Variants in SGSM1 observed in about 807,000 individuals in gnomAD.
SGSM1 encodes the protein small G protein signaling modulator 1, also known as RUN and TBC1 domain containing 2.
In SGSM1, 73 loss-of-function variants were observed where a neutral mutation model predicts 133.8. The ratio of observed to expected loss-of-function variants is 0.55; its 90% CI spans 0.45 to 0.66. The LOEUF is 0.66. Among genes scored for constraint, SGSM1 ranks in the 30% least tolerant of loss-of-function variants. The pLI is 0.00. For synonymous variants in SGSM1, 563 were observed against 573.0 expected, an observed-to-expected ratio of 0.98 and a Z score of 0.25; for missense variants, 1,213 against 1,448.1, an observed-to-expected ratio of 0.84 and a Z score of 2.64.
chr22:24,881,586 C>CAAAAA lies in SGSM1; in HGVS notation c.1495+2064_1495+2065insAAAAA, dbSNP rs1386567394. 3.5e-3 allele frequency among the ~76,000 whole-genome samples: 529 copies of CAAAAA among 151,640 alleles called. 1 individual carries two copies. Among genetic ancestry groups the CAAAAA allele is most frequent in the African/African-American group, 0.011 (464 of 41,340 alleles). ...GTCTCAAAAACAAAACAAAACAAAA[C>CAAAAA]AAAACAAAAAAAACCAGCAACAACA... On this transcript the variant is annotated intron_variant, in intron 14 of 24. Coordinates refer to ENST00000400358, the MANE Select transcript of SGSM1 (RefSeq NM_001098497.3).
intron 3 of SGSM1, among the ~76,000 whole-genome samples, chr22:24,847,270 T>G (rs73408931): frequency 0.012 from 1,760 of 152,240 alleles, 37 homozygotes; most frequent in African/African-American, 0.039. Flanking sequence ...AGACCAAAAC[T>G]TCTCAATATT....
rs535233877 is a variant in SGSM1, at chr22:24,827,340, T to C, written c.64-17557T>C. On this transcript the variant is annotated intron_variant, in intron 2 of 24. Transcript: ENST00000400358. The stretch of plus-strand genomic sequence containing the variant: ...TTAGCACTCACTTGCCCTGAGTCCC[T>C]CCTGAGATTAATTCTCTTTTTATGC... Among the ~76,000 whole-genome samples, 3 of 146,922 alleles carry C rather than the reference T, an allele frequency of 2.0e-5. No individual in the cohort carries two copies. The East Asian group carries it at 6.3e-4, about 31-fold the overall frequency.
chr22:24,851,026 G>A (rs572367834), intron 5 of SGSM1, among the ~76,000 whole-genome samples: 111 of 151,324 alleles, frequency 7.3e-4, no homozygotes, highest in Non-Finnish European at 1.4e-3. Context: ...GTGTGAACCC[G>A]GGAGGTAGAG....
chr22:24,890,321 G>A (rs966498326), intron 16 of SGSM1, among the ~76,000 whole-genome samples: 7 of 152,218 alleles, frequency 4.6e-5, no homozygotes, highest in Non-Finnish European at 1.0e-4. Context: ...TAACTCCATC[G>A]TAAGTCGAGA....
In SGSM1 at chr22:24,886,656, G is replaced by T. The variant is rs1932622296; in HGVS notation, c.1698G>T (p.Glu566Asp). The stretch of plus-strand genomic sequence containing the variant: ...TCTACTACGGGGGCATCCAGCCTGA[G>T]ATCCGCAAGGCCGTGTGGCCCTTCC... The part of the protein sequence containing the change: ...RLIYYGGIQP[E>D]IRKAVWPFLL... The change falls in exon 16 of 25, where the codon GAG becomes GAT. Residue 566 changes from glutamate (E) to aspartate (D), a missense_variant. By Grantham distance (45) the Glu-to-Asp change is conservative (BLOSUM62 2). Transcript: ENST00000400358. 2 of 1,561,652 alleles carry T rather than the reference G, an allele frequency of 1.3e-6. No individual in the cohort carries two copies. Among genetic ancestry groups the T allele is most frequent in the Non-Finnish European group, 8.7e-7 (1 of 1,153,072 alleles).
chr22:24,841,282 G>C (rs1279238692), intron 2 of SGSM1, among the ~76,000 whole-genome samples: 9 of 152,078 alleles, frequency 5.9e-5, no homozygotes, highest in Non-Finnish European at 1.5e-5. Context: ...TTCTGCTGTT[G>C]ATTTCTTGTT....
At chr22:24,865,401 G>A (rs1161933758) in intron 9 of SGSM1, among the ~76,000 whole-genome samples, 2 of 152,186 alleles carry the variant, frequency 1.3e-5, no homozygotes, top group African/African-American at 2.4e-5. Context: ...GACTGTCCTC[G>A]AAGGACATTT....
chr22:24,874,702 T>C (rs1931944458), intron 12 of SGSM1: 2 of 1,277,854 alleles, frequency 1.6e-6, no homozygotes, highest in Admixed American at 5.6e-5. Context: ...GAGGGATTGA[T>C]GCCCTCCTGC....
chr22:24,880,066 C>G (rs1386325065), intron 14 of SGSM1, among the ~76,000 whole-genome samples: 1 of 152,076 alleles, frequency 6.6e-6, no homozygotes, highest in Non-Finnish European at 1.5e-5. Context: ...GGTCACACAG[C>G]TAACAAGCAG....
rs1460240287 is a variant in SGSM1 at position 24,859,740 on chromosome 22, G to A, written c.826G>A (p.Gly276Arg). Residue 276 changes from glycine (G) to arginine (R), a missense_variant, in exon 9 of 25, where the codon GGG (glycine) becomes AGG (arginine). Physicochemically the swap from Gly to Arg is moderately radical, Grantham distance 125 (BLOSUM62 -2). Coordinates refer to ENST00000400358, the MANE Select transcript of SGSM1 (RefSeq NM_001098497.3). The stretch of plus-strand genomic sequence containing the variant: ...GAGGGACGACATGGAGGCTGTGCCA[G>A]GGTACCTGTCCCTGCACCAGACGGC... Reference protein sequence around the residue: ...QPRDDMEAVPGYLSLHQTADV... With the variant: ...QPRDDMEAVPRYLSLHQTADV... The A allele has an allele frequency of 6.2e-7, 1 of 1,613,936 alleles. No individual in the cohort carries two copies. Among genetic ancestry groups the A allele is most frequent in the South Asian group, 1.1e-5 (1 of 91,078 alleles).
chr22:24,887,087 C>T (rs1341974394), intron 16 of SGSM1, among the ~76,000 whole-genome samples: 1 of 137,512 alleles, frequency 7.3e-6, no homozygotes, highest in Non-Finnish European at 1.6e-5. Flanking sequence ...TCAGACTTTC[C>T]CAGTTTTACT....
chr22:24,858,985 C>T (rs1225411946), intron 8 of SGSM1, among the ~76,000 whole-genome samples: 1 of 152,196 alleles, frequency 6.6e-6, no homozygotes, highest in African/African-American at 2.4e-5. Flanking sequence ...TACATGAAAA[C>T]GTGAACAATC....
chr22:24,899,904 T>C (rs560779463), intron 19 of SGSM1, among the ~76,000 whole-genome samples: 2 of 152,360 alleles, frequency 1.3e-5, no homozygotes, highest in South Asian at 4.1e-4. Flanking sequence ...TCAGTAATTC[T>C]CTCTTCCAGA....
intron 16 of SGSM1, among the ~76,000 whole-genome samples, chr22:24,887,252 C>A (rs1932667131): frequency 6.6e-6 from 1 of 152,022 alleles, no homozygotes; most frequent in African/African-American, 2.4e-5. Context: ...AGACTCACCT[C>A]CCCCATACCC....
chr22:24,824,641 G>A (rs1166115216), intron 2 of SGSM1, among the ~76,000 whole-genome samples: 1 of 152,094 alleles, frequency 6.6e-6, no homozygotes, highest in Non-Finnish European at 1.5e-5. Flanking sequence ...GAGCTCCACG[G>A]TGGCTATGTG....
At chr22:24,807,518 CATGA>C (rs1355871732) in intron 2 of SGSM1, among the ~76,000 whole-genome samples, 1 of 151,488 alleles carries the variant, frequency 6.6e-6, no homozygotes. Flanking sequence ...CATGAGTCTG[CATGA>C]ATAACTAGGG....
chr22:24,923,004 TG>T (rs2123755545), intron 24 of SGSM1, among the ~76,000 whole-genome samples: 1 of 152,256 alleles, frequency 6.6e-6, no homozygotes, highest in East Asian at 1.9e-4. Flanking sequence ...GGTGCATACC[TG>T]TAATCCCAGC....
intron 2 of SGSM1, among the ~76,000 whole-genome samples, chr22:24,841,864 TGTCCTAAGG>T (rs1287286170): frequency 3.3e-5 from 5 of 152,012 alleles, no homozygotes; most frequent in Admixed American, 2.0e-4. Context: ...CAAGTACTGT[TGTCCTAAGG>T]GGGTAAAGGA....
At chr22:24,868,959 T>TG (rs1931619659) in intron 12 of SGSM1, 104 bp downstream of exon 12, 1 of 1,483,406 alleles carries the variant, frequency 6.7e-7, no homozygotes, top group Non-Finnish European at 9.0e-7. Flanking sequence ...ATTCTGGGGC[T>TG]AACAGGAGGA....
Sources: gnomAD v4.1 joint callset for allele counts (sites outside exome capture counted in the v4.1 genomes callset) on GRCh38, gnomAD v4.1.1 for gene constraint, MANE v1.5 for transcripts, NCBI Gene and HGNC (gene_info 2026-07-23, HGNC 2026-07-21) for gene names.